The following WDR70 variants were observed in gnomAD, a reference collection of about 807,000 sequenced individuals.
WDR70 encodes WD repeat-containing protein 70.
Under a neutral mutation model 88.6 loss-of-function variants are expected in WDR70, and 53 were observed. That is an observed-to-expected ratio of 0.60 (90% CI 0.48 to 0.75). The LOEUF (loss-of-function observed/expected upper bound fraction) is 0.75. Among genes scored for constraint, WDR70 ranks in the 30% least tolerant of loss-of-function variants. The pLI, the probability that WDR70 is intolerant of heterozygous loss-of-function variation, is 0.00. For missense variants in WDR70, 610 were observed against 823.2 expected, an observed-to-expected ratio of 0.74 and a Z score of 3.17; for synonymous variants, 280 against 270.0, an observed-to-expected ratio of 1.04 and a Z score of -0.36.
chr5:37,448,351 T>A (rs1006803803), intron 7 of WDR70, among the ~76,000 whole-genome samples: 2 of 152,150 alleles, frequency 1.3e-5, no homozygotes, highest in African/African-American at 2.4e-5. Flanking sequence ...CTTCCCCGAG[T>A]AGCCCGTCTT....
intron 7 of WDR70, among the ~76,000 whole-genome samples, chr5:37,443,714 G>A (rs191995829): frequency 9.2e-4 from 140 of 152,314 alleles, no homozygotes; most frequent in African/African-American, 2.3e-3. Flanking sequence ...TTAGCTGGGC[G>A]TGGTGGCGCA....
chr5:37,509,807 T>A (rs995623013), intron 8 of WDR70, among the ~76,000 whole-genome samples: 3 of 149,194 alleles, frequency 2.0e-5, no homozygotes, highest in African/African-American at 5.0e-5. Context: ...TTTTTTTTTT[T>A]TAACAGACTT....
intron 5 of WDR70, among the ~76,000 whole-genome samples, chr5:37,415,363 C>A (rs1457332711): frequency 1.4e-5 from 2 of 141,360 alleles, no homozygotes; most frequent in Admixed American, 7.1e-5. Context: ...GGCGGCCGGG[C>A]AGAGGCACCC....
intron 13 of WDR70, among the ~76,000 whole-genome samples, chr5:37,717,239 T>C (rs1257511472): frequency 6.6e-6 from 1 of 152,200 alleles, no homozygotes; most frequent in Non-Finnish European, 1.5e-5. Flanking sequence ...AGTAGATTAG[T>C]GTAAGAATAA....
At chr5:37,498,278 C>T (rs917829014) in intron 8 of WDR70, among the ~76,000 whole-genome samples, 7 of 152,204 alleles carry the variant, frequency 4.6e-5, no homozygotes, top group South Asian at 2.1e-4. Flanking sequence ...CAGTCACTTC[C>T]TTGAAACAGC....
At position 37,462,294 on chromosome 5, in the gene WDR70, CTTAA is replaced by C. The variant is rs1054953322; in HGVS notation, c.687-17521_687-17518del. ...CATTTTTGGGTGACATTTGCAAGTC[CTTAA>C]TTAATTAATTAATTAATTTTTTGAG... On this transcript the variant is annotated intron_variant, in intron 7 of 17. Transcript: ENST00000265107. Among the ~76,000 whole-genome samples, 10 of 151,956 alleles carry C rather than the reference CTTAA, an allele frequency of 6.6e-5. No homozygotes were observed. The East Asian group carries it at 1.4e-3, about 21-fold the overall frequency.
At chr5:37,594,960 G>A (rs1054460778) in intron 9 of WDR70, among the ~76,000 whole-genome samples, 3 of 152,078 alleles carry the variant, frequency 2.0e-5, no homozygotes, top group African/African-American at 7.2e-5. Flanking sequence ...TTTGTGTATA[G>A]GAATGCTTGT....
intron 4 of WDR70, among the ~76,000 whole-genome samples, chr5:37,394,137 T>A (rs1481885495): frequency 6.6e-6 from 1 of 152,048 alleles, no homozygotes; most frequent in African/African-American, 2.4e-5. Flanking sequence ...AAACCCTGTC[T>A]GTACTAAAAA....
Position 37,451,188 on chromosome 5 carries a change from G to GC in WDR70, c.686+7818dup, listed in dbSNP as rs1738668080. Among the ~76,000 whole-genome samples, 12 of 152,248 alleles carry GC rather than the reference G, an allele frequency of 7.9e-5. No individual in the cohort carries two copies. In the South Asian group the frequency reaches 2.5e-3, roughly 32 times the overall value. On this transcript the variant is annotated intron_variant, in intron 7 of 17. Coordinates refer to ENST00000265107, the MANE Select transcript of WDR70 (RefSeq NM_018034.4). ...GCTGGGATTACAGACGTGAGCCATT[G>GC]CCTCTGGCCTATTTTTTTCAAGAAA...
At position 37,537,485 on chromosome 5, in the gene WDR70, C is replaced by T. The variant is rs566362599; in HGVS notation, c.917+20895C>T. On this transcript the variant is annotated intron_variant, in intron 9 of 17. Transcript: ENST00000265107. ...GCTATCAATATTTAAAAATAATGAC[C>T]GCTACTACTCCACAAGGTTAGGAGG... is the stretch of plus-strand genomic sequence containing the variant. 4.6e-5 allele frequency among the ~76,000 whole-genome samples: 7 copies of T among 152,126 alleles called. No homozygotes were observed. In the East Asian group the frequency reaches 5.8e-4, roughly 13 times the overall value.
intron 9 of WDR70, among the ~76,000 whole-genome samples, chr5:37,580,430 T>TA (rs1335059504): frequency 6.6e-6 from 1 of 152,210 alleles, no homozygotes; most frequent in Non-Finnish European, 1.5e-5. Context: ...CTGGGTCTGA[T>TA]ACAGTGAAAG....
At chr5:37,456,073 G>A (rs1299636064) in intron 7 of WDR70, among the ~76,000 whole-genome samples, 1 of 152,084 alleles carries the variant, frequency 6.6e-6, no homozygotes. Context: ...GTACTGTAGA[G>A]GTCATTTTTA....
At chr5:37,593,473 A>T (rs180979128) in intron 9 of WDR70, among the ~76,000 whole-genome samples, 45 of 152,328 alleles carry the variant, frequency 3.0e-4, no homozygotes, top group Non-Finnish European at 2.9e-5. Flanking sequence ...TGCAAAGGAC[A>T]TGAACTCATC....
chr5:37,495,963 T>C (rs1740203709), intron 8 of WDR70, among the ~76,000 whole-genome samples: 1 of 152,222 alleles, frequency 6.6e-6, no homozygotes, highest in South Asian at 2.1e-4. Context: ...ATCTGTGTTC[T>C]TATTCTGGGT....
intron 11 of WDR70, among the ~76,000 whole-genome samples, chr5:37,698,071 A>G (rs1160429285): frequency 2.6e-5 from 4 of 152,156 alleles, no homozygotes; most frequent in African/African-American, 9.7e-5. Context: ...GATCACCTAT[A>G]TTCTTTCTAT....
chr5:37,597,784 G>A (rs1350390124), intron 9 of WDR70, among the ~76,000 whole-genome samples: 3 of 152,148 alleles, frequency 2.0e-5, no homozygotes, highest in Admixed American at 6.5e-5. Flanking sequence ...GCAGAACTAT[G>A]AGCTAAATAA....
intron 5 of WDR70, among the ~76,000 whole-genome samples, chr5:37,399,702 T>C (rs549624458): frequency 6.6e-6 from 1 of 152,300 alleles, no homozygotes; most frequent in South Asian, 2.1e-4. Flanking sequence ...TCTTTGTCTT[T>C]ATAATCTTTG....
At chr5:37,582,479 A>T (rs145390089) in intron 9 of WDR70, among the ~76,000 whole-genome samples, 1 of 152,336 alleles carries the variant, frequency 6.6e-6, no homozygotes, top group African/African-American at 2.4e-5. Context: ...ACAACCATAG[A>T]TTCACACACA....
At chr5:37,709,323 G>A (rs1240108267) in intron 13 of WDR70, among the ~76,000 whole-genome samples, 1 of 152,152 alleles carries the variant, frequency 6.6e-6, no homozygotes, top group Non-Finnish European at 1.5e-5. Flanking sequence ...CATGATATCA[G>A]CTTAATGAAA....
Sources: allele counts gnomAD v4.1 joint callset (sites outside exome capture counted in the v4.1 genomes callset), GRCh38; gene constraint gnomAD v4.1.1; transcripts MANE v1.5; gene names NCBI Gene and HGNC (gene_info 2026-07-23, HGNC 2026-07-21).